The following PRKN variants were observed in gnomAD, a reference collection of about 807,000 sequenced individuals.
PRKN encodes the protein parkin RBR E3 ubiquitin protein ligase.
In PRKN, 56 loss-of-function variants were observed where a neutral mutation model predicts 59.5. The ratio of observed to expected loss-of-function variants is 0.94; its 90% confidence interval spans 0.76 to 1.18. The LOEUF is 1.18. PRKN is among the 50% of genes most tolerant of loss of function. PRKN has a pLI of 0.00. For synonymous variants in PRKN, 250 were observed against 222.1 expected (o/e 1.13, Z -1.12); for missense variants, 657 against 596.4 (o/e 1.10, Z -1.06).
At chr6:161,892,753 A>T (rs80053206) in intron 6 of PRKN, among the ~76,000 whole-genome samples, 3,016 of 152,314 alleles carry the variant, frequency 0.02, 107 homozygotes, top group African/African-American at 0.069. Flanking sequence ...CAATAAAAAA[A>T]ATTAAAAATT....
At chr6:161,996,505 A>C (rs1781849759) in intron 5 of PRKN, among the ~76,000 whole-genome samples, 1 of 152,114 alleles carries the variant, frequency 6.6e-6, no homozygotes, top group African/African-American at 2.4e-5. Context: ...TGTAATCTCT[A>C]ATGGTATTCC....
At chr6:162,403,678 T>C (rs1214327948) in intron 2 of PRKN, among the ~76,000 whole-genome samples, 2 of 151,990 alleles carry the variant, frequency 1.3e-5, no homozygotes, top group Admixed American at 6.6e-5. Context: ...GATTCAGGAA[T>C]GGGGAAAAAA....
intron 2 of PRKN, among the ~76,000 whole-genome samples, chr6:162,282,399 GC>G (rs1780948042): frequency 6.6e-6 from 1 of 151,572 alleles, no homozygotes; most frequent in South Asian, 2.1e-4. Context: ...AATCACATCT[GC>G]TAAAATCCAT....
chr6:161,962,771 G>A (rs1048118602), intron 6 of PRKN, among the ~76,000 whole-genome samples: 3 of 151,714 alleles, frequency 2.0e-5, no homozygotes, highest in Admixed American at 6.6e-5. Flanking sequence ...TCCTGACCTC[G>A]TGATCCACCT....
chr6:162,661,139 T>C (rs2128228236), intron 1 of PRKN, among the ~76,000 whole-genome samples: 1 of 152,170 alleles, frequency 6.6e-6, no homozygotes, highest in Middle Eastern at 3.4e-3. Flanking sequence ...CGCATGCCTG[T>C]AGTCCCAGCT....
chr6:162,556,342 GGTGTGTGTGTGTGTGT>G (rs202002846), intron 1 of PRKN, among the ~76,000 whole-genome samples: 39 of 57,300 alleles, frequency 6.8e-4, no homozygotes, highest in Admixed American at 2.7e-3. Flanking sequence ...CTACTCAGCT[GGTGTGTGTGTGTGTGT>G]GTGTGTGTGT....
intron 4 of PRKN, among the ~76,000 whole-genome samples, chr6:162,118,802 T>C (rs1205808274): frequency 6.6e-6 from 1 of 152,222 alleles, no homozygotes; most frequent in Non-Finnish European, 1.5e-5. Context: ...CTTGACAAAT[T>C]AGCAACATGG....
chr6:162,697,187 C>T (rs999395443), intron 1 of PRKN, among the ~76,000 whole-genome samples: 2 of 152,048 alleles, frequency 1.3e-5, no homozygotes, highest in East Asian at 3.9e-4. Context: ...ACTGGTATAA[C>T]AGAGTTCATT....
At chr6:162,124,416 G>A (rs1426201983) in intron 4 of PRKN, among the ~76,000 whole-genome samples, 2 of 152,214 alleles carry the variant, frequency 1.3e-5, no homozygotes, top group African/African-American at 4.8e-5. Flanking sequence ...GAGGTTGGGA[G>A]TTCACTACAC....
chr6:162,254,709 C>T (rs1779574996), intron 3 of PRKN, among the ~76,000 whole-genome samples: 1 of 152,018 alleles, frequency 6.6e-6, no homozygotes, highest in African/African-American at 2.4e-5. Flanking sequence ...TTTGTTAAGC[C>T]CCCTGTGACC....
chr6:161,854,673 C>A (rs1793573274), intron 6 of PRKN, among the ~76,000 whole-genome samples: 1 of 152,166 alleles, frequency 6.6e-6, no homozygotes, highest in Non-Finnish European at 1.5e-5. Flanking sequence ...TACTGACAGT[C>A]TTCTAAAAGG....
chr6:162,123,869 T>C (rs538398924), intron 4 of PRKN, among the ~76,000 whole-genome samples: 15 of 152,298 alleles, frequency 9.8e-5, no homozygotes, highest in African/African-American at 3.4e-4. Context: ...TGTTTTGACA[T>C]TAAATTACTC....
intron 5 of PRKN, among the ~76,000 whole-genome samples, chr6:162,034,184 T>G (rs867195614): frequency 0.019 from 2,337 of 122,652 alleles, 39 homozygotes; most frequent in African/African-American, 0.056. Context: ...TATATATATA[T>G]ATAGAGAGAG....
In PRKN at chr6:161,782,114, AAGTCTATT is replaced by A. The variant is rs1245199767; in HGVS notation, c.871+3650_871+3657del. 2.6e-5 allele frequency among the ~76,000 whole-genome samples: 4 copies of A among 152,360 alleles called. No homozygotes were observed. In the East Asian group the frequency reaches 7.7e-4, roughly 29 times the overall value. Reference sequence around the variant, plus strand: ...ACAATATGAAAATACGGGTGCACACAAGTCTATTAGTTGTAGCAATATTTACAGTAAAA... The same window carrying A: ...ACAATATGAAAATACGGGTGCACACAAGTTGTAGCAATATTTACAGTAAAA... On this transcript the variant is annotated intron_variant, in intron 7 of 11. Coordinates refer to ENST00000366898, the MANE Select transcript of PRKN (RefSeq NM_004562.3).
At chr6:161,785,043 A>C (rs1001997115) in intron 7 of PRKN, among the ~76,000 whole-genome samples, 2 of 152,204 alleles carry the variant, frequency 1.3e-5, no homozygotes, top group Non-Finnish European at 2.9e-5. Context: ...TTTTATAGGA[A>C]ATACCTACAA....
chr6:161,994,577 C>T (rs9365358), intron 5 of PRKN, among the ~76,000 whole-genome samples: 2 of 152,094 alleles, frequency 1.3e-5, no homozygotes, highest in East Asian at 1.9e-4. Flanking sequence ...AAAACCTAGA[C>T]TCCACCAAAA....
At chr6:162,203,783 C>T (rs1784830031) in intron 3 of PRKN, among the ~76,000 whole-genome samples, 1 of 152,126 alleles carries the variant, frequency 6.6e-6, no homozygotes. Flanking sequence ...ACCTTAAAAT[C>T]CTTTCTCTCT....
chr6:161,648,934 C>A (rs1457866955), intron 7 of PRKN, among the ~76,000 whole-genome samples: 2 of 152,154 alleles, frequency 1.3e-5, no homozygotes, highest in Admixed American at 6.5e-5. Context: ...ATTAAATTTT[C>A]TACTTTACTC....
intron 6 of PRKN, among the ~76,000 whole-genome samples, chr6:161,811,744 G>A (rs1246234997): frequency 1.3e-5 from 2 of 152,010 alleles, no homozygotes. Flanking sequence ...CCAACATAGT[G>A]AAACTCCATC....
Sources: gnomAD v4.1 joint callset for allele counts (sites outside exome capture counted in the v4.1 genomes callset) on GRCh38, gnomAD v4.1.1 for gene constraint, MANE v1.5 for transcripts, NCBI Gene and HGNC (gene_info 2026-07-23, HGNC 2026-07-21) for gene names.